The following PRKN variants were observed in gnomAD, a reference collection of about 807,000 sequenced individuals.
The protein encoded by PRKN is parkin RBR E3 ubiquitin protein ligase, also known as E3 ubiquitin-protein ligase parkin.
PRKN carries 56 observed loss-of-function variants against 59.5 expected under a neutral mutation model. That is an observed-to-expected ratio of 0.94 (90% confidence interval 0.76 to 1.18). PRKN has a LOEUF of 1.18. PRKN is among the 50% of genes most tolerant of loss of function. The pLI, the probability that PRKN is intolerant of heterozygous loss-of-function variation, is 0.00. For missense variants in PRKN, 657 were observed against 596.4 expected (o/e 1.10, Z -1.06); for synonymous variants, 250 against 222.1 (o/e 1.13, Z -1.12).
At chr6:161,881,443 G>A (rs1237378572) in intron 6 of PRKN, among the ~76,000 whole-genome samples, 1 of 152,172 alleles carries the variant, frequency 6.6e-6, no homozygotes, top group Non-Finnish European at 1.5e-5. Context: ...TCCTGAGTGG[G>A]GCTGAGTGGT....
chr6:161,417,137 C>T lies in PRKN; in HGVS notation c.1084-30260G>A, dbSNP rs144406069. 1.2e-3 allele frequency among the ~76,000 whole-genome samples: 181 copies of T among 152,162 alleles called. 1 individual carries two copies. The highest frequency in any genetic ancestry group is 4.1e-3 in the African/African-American group (169 of 41,514). On this transcript the variant is annotated intron_variant, in intron 9 of 11. Transcript: ENST00000366898. This position sits in a 1 kb window ranked among gnomAD's most constrained non-coding sequence, Gnocchi z 5.4. ...GTGGGTCCAGAGTTTCTGATGGCAG[C>T]GGGTTTTTGATGGCCTGTAAAGTCA...
At chr6:161,660,547 G>A (rs1784505535) in intron 7 of PRKN, among the ~76,000 whole-genome samples, 1 of 152,188 alleles carries the variant, frequency 6.6e-6, no homozygotes, top group African/African-American at 2.4e-5. Context: ...GAGAGATGAT[G>A]AGCATGGCCC....
chr6:161,780,617 T>C (rs1269433389), intron 7 of PRKN, among the ~76,000 whole-genome samples: 1 of 152,112 alleles, frequency 6.6e-6, no homozygotes, highest in African/African-American at 2.4e-5. Context: ...AAATAATCCT[T>C]CAAAGAAACT....
chr6:162,051,116 T>A (rs1777622589), intron 5 of PRKN, among the ~76,000 whole-genome samples: 1 of 151,978 alleles, frequency 6.6e-6, no homozygotes, highest in Admixed American at 6.6e-5. Flanking sequence ...CAAAGAAAGG[T>A]CTTTTCAGTG....
chr6:161,639,859 T>C (rs1331266637), intron 7 of PRKN, among the ~76,000 whole-genome samples: 2 of 152,218 alleles, frequency 1.3e-5, no homozygotes, highest in Admixed American at 6.5e-5. Context: ...CAAGGCGCAA[T>C]GCCTACCACC....
chr6:161,628,484 A>C (rs1783176799), intron 7 of PRKN, among the ~76,000 whole-genome samples: 1 of 152,202 alleles, frequency 6.6e-6, no homozygotes. Context: ...ATCACTTCCC[A>C]AAAGTCCCAT....
In PRKN at chr6:162,413,135, A is replaced by C. The variant is rs76325134; in HGVS notation, c.171+30175T>G. On this transcript the variant is annotated intron_variant, in intron 2 of 11. Coordinates refer to ENST00000366898, the MANE Select transcript of PRKN (RefSeq NM_004562.3). ...TAATAGGTAAGACCAGTCTGGTCTG[A>C]AGCCCATATCAAATATTTCAACATT... Among the ~76,000 whole-genome samples, 1,215 of 152,340 alleles carry C rather than the reference A, an allele frequency of 8.0e-3. 19 individuals are homozygous for C. Among genetic ancestry groups the C allele is most frequent in the East Asian group, 0.03 (158 of 5,182 alleles).
chr6:161,752,378 A>ACAAAACAAAAC (rs1317800907), intron 7 of PRKN, among the ~76,000 whole-genome samples: 5 of 106,860 alleles, frequency 4.7e-5, no homozygotes, highest in African/African-American at 1.0e-4. Context: ...AACAAACAAA[A>ACAAAACAAAAC]AAACAAAACA....
rs116160206 is a variant in PRKN at position 161,537,391 on chromosome 6, A to T, written c.1083+11463T>A. Reference sequence around the variant, plus strand: ...CTATTTCCTTCAGATAATCAGGGCAAGTCAAAATGCAGGCTTGTACAAATA... The same window carrying T: ...CTATTTCCTTCAGATAATCAGGGCATGTCAAAATGCAGGCTTGTACAAATA... On this transcript the variant is annotated intron_variant, in intron 9 of 11. Coordinates refer to ENST00000366898, the MANE Select transcript of PRKN (RefSeq NM_004562.3). 4.0e-3 allele frequency among the ~76,000 whole-genome samples: 606 copies of T among 152,300 alleles called. 3 individuals carry two copies. Among genetic ancestry groups the T allele is most frequent in the African/African-American group, 0.014 (576 of 41,564 alleles).
chr6:161,793,371 C>T (rs2128208557), intron 6 of PRKN, among the ~76,000 whole-genome samples: 1 of 152,258 alleles, frequency 6.6e-6, no homozygotes, highest in East Asian at 1.9e-4. Context: ...ATCCAGTCCA[C>T]TCTGCTGCAT....
chr6:161,566,015 C>A lies in PRKN; in HGVS notation c.933+3340G>T, dbSNP rs115523572. 8.7e-3 allele frequency among the ~76,000 whole-genome samples: 1,319 copies of A among 152,278 alleles called. 23 individuals carry two copies. The highest frequency in any genetic ancestry group is 0.02 in the Middle Eastern group (6 of 294). ...TCCCCCTTCTGCATCATCAGTCTCC[C>A]AACTCCTCTACTGAATCATTACCAT... On this transcript the variant is annotated intron_variant, in intron 8 of 11. Transcript: ENST00000366898. This position sits in a 1 kb window ranked among gnomAD's most constrained non-coding sequence, Gnocchi z 4.1.
chr6:162,361,503 C>T (rs963142216), intron 2 of PRKN, among the ~76,000 whole-genome samples: 1 of 152,122 alleles, frequency 6.6e-6, no homozygotes, highest in African/African-American at 2.4e-5. Flanking sequence ...TCACCTTGAT[C>T]TTGAACGTTC....
intron 6 of PRKN, among the ~76,000 whole-genome samples, chr6:161,804,825 T>C (rs980010563): frequency 6.6e-6 from 1 of 152,228 alleles, no homozygotes; most frequent in African/African-American, 2.4e-5. Flanking sequence ...TTGCTGTCTA[T>C]GAGCAGTGCT....
At chr6:162,034,184 T>TAGAGAGAGAGAGAG in intron 5 of PRKN, among the ~76,000 whole-genome samples, 1 of 122,802 alleles carries the variant, frequency 8.1e-6, no homozygotes. Flanking sequence ...TATATATATA[T>TAGAGAGAGAGAGAG]ATAGAGAGAG....
At chr6:162,444,046 G>A (rs140712870) in intron 1 of PRKN, among the ~76,000 whole-genome samples, 1 of 152,016 alleles carries the variant, frequency 6.6e-6, no homozygotes, top group Non-Finnish European at 1.5e-5. Flanking sequence ...TGGCAGGGAG[G>A]GGGTGGAGAC....
intron 6 of PRKN, among the ~76,000 whole-genome samples, chr6:161,822,409 C>T (rs183718185): frequency 2.8e-3 from 429 of 152,310 alleles, no homozygotes; most frequent in Non-Finnish European, 4.9e-3. Flanking sequence ...GGCACGGTGG[C>T]TCACGCCTGT....
At chr6:162,020,296 G>C (rs2128274925) in intron 5 of PRKN, among the ~76,000 whole-genome samples, 1 of 115,100 alleles carries the variant, frequency 8.7e-6, no homozygotes, top group African/African-American at 3.2e-5. Context: ...AACTGGAATT[G>C]TCAGTGACAG....
intron 5 of PRKN, among the ~76,000 whole-genome samples, chr6:162,011,494 A>AGTATATATTTATG (rs1782711375): frequency 6.3e-5 from 1 of 15,832 alleles, no homozygotes; most frequent in Non-Finnish European, 1.0e-4. Flanking sequence ...TAATATATAT[A>AGTATATATTTATG]ATATATATTT....
chr6:161,885,498 A>G (rs1212033407), intron 6 of PRKN, among the ~76,000 whole-genome samples: 1 of 152,038 alleles, frequency 6.6e-6, no homozygotes, highest in East Asian at 1.9e-4. Flanking sequence ...CCCCGTCTCT[A>G]CTAAAAATAC....
Sources: gnomAD v4.1 joint callset for allele counts (sites outside exome capture counted in the v4.1 genomes callset) on GRCh38, gnomAD v4.1.1 for gene constraint, Gnocchi (gnomAD v3.1) non-coding constraint, MANE v1.5 for transcripts, NCBI Gene and HGNC (gene_info 2026-07-23, HGNC 2026-07-21) for gene names.